The following DNAAF1 variants were observed in gnomAD, a reference collection of about 807,000 sequenced individuals.
DNAAF1 encodes dynein assembly factor 1, axonemal.
DNAAF1 carries 65 observed loss-of-function variants against 71.1 expected under a neutral mutation model. That is an observed-to-expected ratio of 0.91 (90% CI 0.75 to 1.12). The LOEUF (loss-of-function observed/expected upper bound fraction) is 1.12. DNAAF1 is among the 50% of genes most tolerant of loss of function. The pLI is 0.00. For synonymous variants in DNAAF1, 414 were observed against 354.6 expected (o/e 1.17, Z -1.88); for missense variants, 1,178 against 899.8 (o/e 1.31, Z -3.96).
rs113737166 is a variant in DNAAF1, at chr16:84,154,640, A to G, written c.416A>G (p.Asn139Ser). 9.9e-6 allele frequency: 16 copies of G among 1,614,040 alleles called. No individual in the cohort carries two copies. The highest frequency in any genetic ancestry group is 1.3e-5 in the African/African-American group (1 of 74,930). ...TGLRCLWLQS[N>S]GIQKIENLEA... ...CTGCGCTGTCTCTGGCTGCAGAGCA[A>G]TGGAATACAGAAAATCGAAAACCTG... is the stretch of plus-strand genomic sequence containing the variant. The change falls in exon 4 of 12, where the codon AAT becomes AGT. Residue 139 changes from asparagine (N) to serine (S), a missense_variant. Coordinates refer to ENST00000378553, the MANE Select transcript of DNAAF1 (RefSeq NM_178452.6).
At chr16:84,150,192 AAT>A in intron 2 of DNAAF1, 57 bp from the exon 3 acceptor site, 1 of 1,299,352 alleles carries the variant, frequency 7.7e-7, no homozygotes. Context: ...GAACTGTGAG[AAT>A]ATGTTTTACA....
chr16:84,172,172 C>T (rs1025942921), intron 8 of DNAAF1, 88 bp from the exon 9 acceptor site: 66 of 1,289,286 alleles, frequency 5.1e-5, no homozygotes, highest in Non-Finnish European at 6.5e-5. Context: ...CCACCGAGCC[C>T]GGCCCTTGGG....
At chr16:84,169,805 A>G (rs1322652394) in intron 7 of DNAAF1, 54 bp from the exon 8 acceptor site, 2 of 1,610,986 alleles carry the variant, frequency 1.2e-6, no homozygotes, top group Middle Eastern at 2.2e-4. Context: ...ACCCACAAAC[A>G]CCCTTGTCCT....
chr16:84,169,781 T>G, intron 7 of DNAAF1, 78 bp from the exon 8 acceptor site: 1 of 1,596,450 alleles, frequency 6.3e-7, no homozygotes, highest in East Asian at 2.2e-5. Flanking sequence ...AAGTTTGCTG[T>G]GAGCCCTTGA....
chr16:84,172,653 C>T (rs775648495), intron 9 of DNAAF1: 15 of 1,286,918 alleles, frequency 1.2e-5, no homozygotes, highest in Non-Finnish European at 1.5e-5. Context: ...TGAACCATGT[C>T]TACCAAACTC....
rs982049133 is a variant in DNAAF1, at chr16:84,167,495, C to T, written c.1030+1546C>T. On this transcript the variant is annotated intron_variant, in intron 7 of 11. Coordinates refer to ENST00000378553, the MANE Select transcript of DNAAF1 (RefSeq NM_178452.6). Reference sequence around the variant, plus strand: ...TGGTCTCTGTGCTCCAGAAGCCACCCCACCCCCAAGAGCCGCCCCATTCGA... The same window carrying T: ...TGGTCTCTGTGCTCCAGAAGCCACCTCACCCCCAAGAGCCGCCCCATTCGA... Among the ~76,000 whole-genome samples, 4 of 152,124 alleles carry T rather than the reference C, an allele frequency of 2.6e-5. No homozygotes were observed. In the South Asian group the frequency reaches 8.3e-4, roughly 31 times the overall value.
At chr16:84,163,022 A>T (rs2087788612) in intron 6 of DNAAF1, among the ~76,000 whole-genome samples, 1 of 152,184 alleles carries the variant, frequency 6.6e-6, no homozygotes. Flanking sequence ...TCTGCGATGC[A>T]GCGTGTTCCA....
In DNAAF1 at chr16:84,149,093, G is replaced by C. The variant is rs750173378; in HGVS notation, c.211G>C (p.Gly71Arg). The change falls in exon 2 of 12, where the codon GGT becomes CGT. Residue 71 changes from glycine to arginine, a missense_variant. Transcript: ENST00000378553. ...QQKQSGDNGS[G>R]GHFAHPREDR... Reference sequence around the variant, plus strand: ...GAAACAGAGTGGTGATAATGGGTCAGGTGGTCACTTCGCACACCCAAGAGA... The same window carrying C: ...GAAACAGAGTGGTGATAATGGGTCACGTGGTCACTTCGCACACCCAAGAGA... The C allele has an allele frequency of 1.2e-6, 2 of 1,614,118 alleles. No individual in the cohort carries two copies. The highest frequency in any genetic ancestry group is 1.7e-6 in the Non-Finnish European group (2 of 1,180,016).
rs145406269 is a variant in DNAAF1, at chr16:84,175,246, T to C, written c.1698+524T>C. 4 of 211,814 alleles carry C rather than the reference T, an allele frequency of 1.9e-5. No individual in the cohort carries two copies. In the East Asian group the frequency reaches 4.6e-4, roughly 24 times the overall value. 13.1% of individuals were successfully genotyped at this position (211,814 alleles called of 1,614,324 possible). ...TTTTATGATGAACCACTTGAAAATC[T>C]ATTGCTGGTTTGTAACAGCTGAGTA... On this transcript the variant is annotated intron_variant, in intron 10 of 11. Coordinates refer to ENST00000378553, the MANE Select transcript of DNAAF1 (RefSeq NM_178452.6).
At chr16:84,174,166 C>T in intron 9 of DNAAF1, 1 of 1,001,076 alleles carries the variant, frequency 1.0e-6, no homozygotes, top group Non-Finnish European at 1.2e-6. Context: ...GGCTCCAGTT[C>T]ATGCATCCAA....
chr16:84,163,221 C>T (rs116644824), intron 6 of DNAAF1, among the ~76,000 whole-genome samples: 1,805 of 152,114 alleles, frequency 0.012, 43 homozygotes, highest in African/African-American at 0.042. Flanking sequence ...CTGGGTCATA[C>T]AGGGACTTTA....
intron 3 of DNAAF1, among the ~76,000 whole-genome samples, chr16:84,153,538 G>A (rs959514531): frequency 2.6e-5 from 4 of 152,206 alleles, no homozygotes; most frequent in Admixed American, 2.0e-4. Context: ...CTTGGAAGGC[G>A]AGAGAGAAAA....
intron 6 of DNAAF1, among the ~76,000 whole-genome samples, chr16:84,165,492 T>A (rs963190617): frequency 2.6e-5 from 4 of 152,148 alleles, no homozygotes; most frequent in African/African-American, 7.2e-5. Context: ...GCTGGTTTTT[T>A]AAAATAATAC....
At chr16:84,163,624 C>A (rs1308667341) in intron 6 of DNAAF1, among the ~76,000 whole-genome samples, 1 of 152,000 alleles carries the variant, frequency 6.6e-6, no homozygotes, top group East Asian at 1.9e-4. Flanking sequence ...CATGATCCAC[C>A]CACCTCGGCC....
intron 6 of DNAAF1, among the ~76,000 whole-genome samples, chr16:84,165,099 C>T (rs8057153): frequency 2.0e-5 from 3 of 151,850 alleles, no homozygotes; most frequent in Non-Finnish European, 4.4e-5. Context: ...TTTTTTATTG[C>T]GTTGTTTCCT....
intron 3 of DNAAF1, among the ~76,000 whole-genome samples, chr16:84,153,742 T>C (rs538538199): frequency 6.6e-6 from 1 of 152,270 alleles, no homozygotes; most frequent in Admixed American, 6.5e-5. Context: ...AAAGATTTGT[T>C]TTCCTAACCG....
In DNAAF1 at chr16:84,159,335, C is replaced by A. The variant is rs2087592477; in HGVS notation, c.742-340C>A. 1.4e-5 allele frequency: 12 copies of A among 880,474 alleles called. 1 individual carries two copies. In the South Asian group the frequency reaches 2.6e-4, roughly 19 times the overall value. The allele number at this position is 880,474 out of a possible 1,614,324, so 54.5% of individuals were successfully genotyped here. ...GAAAACAATCAATTAGGCAGAGATT[C>A]ATTTCAGTAAAAGAGGTTGGGTAGC... On this transcript the variant is annotated intron_variant, in intron 5 of 11. Coordinates refer to ENST00000378553, the MANE Select transcript of DNAAF1 (RefSeq NM_178452.6).
rs375641621 is a variant in DNAAF1, at chr16:84,170,290, C to T, written c.1462C>T (p.Arg488Ter). 2.1e-5 allele frequency: 33 copies of T among 1,603,914 alleles called. No individual in the cohort carries two copies. The highest frequency in any genetic ancestry group is 1.1e-4 in the East Asian group (5 of 44,378). The change falls in exon 8 of 12, where the codon CGA becomes TGA. Residue 488 changes from arginine to a stop codon, truncating the protein, a stop_gained. Transcript: ENST00000378553. LOFTEE classifies it high-confidence loss of function. Reference sequence around the variant, plus strand: ...GAAGGTTAAAGGAGAGGATGGAGATCGAGAGCCAGAGGGGACCCTCCCAGC... The same window carrying T: ...GAAGGTTAAAGGAGAGGATGGAGATTGAGAGCCAGAGGGGACCCTCCCAGC... ...PVKVKGEDGD[R>*]EPEGTLPAEA... is the part of the protein sequence containing the mutation.
At chr16:84,151,057 G>C (rs1028540294) in intron 3 of DNAAF1, among the ~76,000 whole-genome samples, 1 of 152,184 alleles carries the variant, frequency 6.6e-6, no homozygotes. Flanking sequence ...GCGTGAGCAG[G>C]AGCCAGGGTT....
Sources: gnomAD v4.1 joint callset for allele counts (sites outside exome capture counted in the v4.1 genomes callset) on GRCh38, gnomAD v4.1.1 for gene constraint, MANE v1.5 for transcripts, NCBI Gene and HGNC (gene_info 2026-07-23, HGNC 2026-07-21) for gene names.